The following PDZD2 variants were observed in gnomAD, a reference collection of about 807,000 sequenced individuals.
The protein encoded by PDZD2 is PDZ domain-containing protein 2.
PDZD2 carries 90 observed loss-of-function variants against 220.7 expected under a neutral mutation model. That is an observed-to-expected ratio of 0.41 (90% CI 0.34 to 0.49). The LOEUF (loss-of-function observed/expected upper bound fraction) is 0.49, where lower values mean the gene tolerates loss of function less well. PDZD2 is among the 20% of genes least tolerant of loss of function. PDZD2 has a pLI of 0.28. For synonymous variants in PDZD2, 1,375 were observed against 1,450.5 expected (o/e 0.95, Z 1.18); for missense variants, 3,174 against 3,608.5 (o/e 0.88, Z 3.08).
At chr5:32,025,885 CCAA>C (rs1460158600) in intron 6 of PDZD2, among the ~76,000 whole-genome samples, 1 of 152,038 alleles carries the variant, frequency 6.6e-6, no homozygotes, top group African/African-American at 2.4e-5. Context: ...CAGGCGTGAG[CCAA>C]CAAGCCCAGG....
intron 2 of PDZD2, chr5:31,854,885 T>G: frequency 6.7e-6 from 5 of 748,212 alleles, no homozygotes; most frequent in Non-Finnish European, 6.5e-6. Flanking sequence ...AGGCTTTTCC[T>G]AACCTCCTCC....
At chr5:31,643,378 C>T (rs957475129) in intron 1 of PDZD2, among the ~76,000 whole-genome samples, 7 of 152,150 alleles carry the variant, frequency 4.6e-5, no homozygotes, top group African/African-American at 7.2e-5. Flanking sequence ...TGCAGTGCTG[C>T]GTCTAAATTT....
intron 1 of PDZD2, among the ~76,000 whole-genome samples, chr5:31,720,159 C>T (rs1036138762): frequency 7.2e-5 from 11 of 152,232 alleles, no homozygotes; most frequent in African/African-American, 2.7e-4. Context: ...ATTGCTTCTC[C>T]ACCTCTCTCT....
rs1207739438 is a variant in PDZD2, at chr5:31,839,908, C to T, written c.476+40184C>T. ...TCCTGCCATCATGTGAAGAAGGACA[C>T]GTTTGCTTCCCCTTCTGCCATGATT... On this transcript the variant is annotated intron_variant, in intron 2 of 24. Transcript: ENST00000438447. Among the ~76,000 whole-genome samples the T allele has an allele frequency of 2.0e-5, 3 of 152,186 alleles. No homozygotes were observed. In the East Asian group the frequency reaches 5.8e-4, roughly 29 times the overall value.
At chr5:31,825,074 C>T (rs575725957) in intron 2 of PDZD2, among the ~76,000 whole-genome samples, 22 of 152,306 alleles carry the variant, frequency 1.4e-4, no homozygotes, top group African/African-American at 5.3e-4. Context: ...TCCCCACCTC[C>T]ACCTCCTGGC....
chr5:32,082,006 C>A (rs1409327375), intron 19 of PDZD2, among the ~76,000 whole-genome samples: 2 of 151,018 alleles, frequency 1.3e-5, no homozygotes, highest in African/African-American at 4.9e-5. Flanking sequence ...GCGTGAGCCA[C>A]CGCGCCTGGC....
At position 32,071,367 on chromosome 5, in the gene PDZD2, A is replaced by T. The variant is rs762339368; in HGVS notation, c.2534-17A>T. On this transcript the variant is annotated splice_polypyrimidine_tract_variant and intron_variant, in intron 15 of 24. Transcript: ENST00000438447. ...GCTTTATTGTTTTGACAATATGGTG[A>T]ATTTTCCCTCCAACAGGTACCCCCT... 6.3e-7 allele frequency: 1 copy of T among 1,591,764 alleles called. No homozygotes were observed. The highest frequency in any genetic ancestry group is 1.1e-5 in the South Asian group (1 of 90,604).
intron 2 of PDZD2, among the ~76,000 whole-genome samples, chr5:31,834,633 T>C (rs752393097): frequency 8.0e-5 from 12 of 149,742 alleles, no homozygotes; most frequent in Non-Finnish European, 1.5e-4. Flanking sequence ...CCACAGGTGG[T>C]AGATGACCTC....
Position 31,931,592 on chromosome 5 carries a change from G to A in PDZD2, c.477-51563G>A, listed in dbSNP as rs1307026309. 2.0e-5 allele frequency among the ~76,000 whole-genome samples: 3 copies of A among 152,140 alleles called. No homozygotes were observed. In the East Asian group the frequency reaches 5.8e-4, roughly 29 times the overall value. ...AGCTGGTGGCTCTTACTTGGTTGCT[G>A]TAGCTATGGAAGTAGATGGGATAAT... On this transcript the variant is annotated intron_variant, in intron 2 of 24. Coordinates refer to ENST00000438447, the MANE Select transcript of PDZD2 (RefSeq NM_178140.4).
rs1243805608 is a variant in PDZD2, at chr5:32,090,267, T to C, written c.6819T>C (p.Asn2273=). 6.2e-7 allele frequency: 1 copy of C among 1,614,074 alleles called. No homozygotes were observed. The highest frequency in any genetic ancestry group is 8.5e-7 in the Non-Finnish European group (1 of 1,180,044). ...GAGGTGGTCTTCCCAGCCTGGCTAA[T>C]GGACAGGGCATATATAGTGTAAAGC... ...ASRGGLPSLA[N]GQGIYSVKPL... is the part of the protein sequence containing the mutation. The change falls in exon 20 of 25, where the codon AAT becomes AAC. Residue 2273 remains asparagine, a synonymous_variant. Coordinates refer to ENST00000438447, the MANE Select transcript of PDZD2 (RefSeq NM_178140.4). This position sits in a 1 kb window ranked among gnomAD's most constrained non-coding sequence, Gnocchi z 4.3.
intron 6 of PDZD2, among the ~76,000 whole-genome samples, chr5:32,025,079 C>T (rs1317943590): frequency 6.6e-6 from 1 of 152,140 alleles, no homozygotes; most frequent in Non-Finnish European, 1.5e-5. Flanking sequence ...TAAAGAAGCG[C>T]CTGCCCTTAG....
chr5:31,683,785 C>T (rs1006876455), intron 1 of PDZD2, among the ~76,000 whole-genome samples: 1 of 152,168 alleles, frequency 6.6e-6, no homozygotes, highest in Non-Finnish European at 1.5e-5. Context: ...CTTGTACCTA[C>T]ATCCCAGGAA....
In PDZD2 at chr5:31,688,516, C is replaced by T. The variant is rs116834655; in HGVS notation, c.-361+49079C>T. On this transcript the variant is annotated intron_variant, in intron 1 of 24. Coordinates refer to ENST00000438447, the MANE Select transcript of PDZD2 (RefSeq NM_178140.4). ...CTTTCCCCCTCTGTGGCAAAACCCA[C>T]GGGGTCAGGTGCTGAGCTTCCAACC... Among the ~76,000 whole-genome samples the T allele has an allele frequency of 3.1e-3, 475 of 152,288 alleles. 3 individuals carry two copies. The highest frequency in any genetic ancestry group is 0.011 in the African/African-American group (451 of 41,572).
intron 1 of PDZD2, among the ~76,000 whole-genome samples, chr5:31,717,133 A>G (rs1407223335): frequency 6.6e-6 from 1 of 152,184 alleles, no homozygotes; most frequent in African/African-American, 2.4e-5. Flanking sequence ...AAAAGAGTCA[A>G]TAGATCATCC....
chr5:31,767,553 C>G (rs1242862416), intron 1 of PDZD2, among the ~76,000 whole-genome samples: 1 of 152,232 alleles, frequency 6.6e-6, no homozygotes, highest in Non-Finnish European at 1.5e-5. Context: ...TGTTTCAAAC[C>G]AGATGACTCA....
intron 1 of PDZD2, among the ~76,000 whole-genome samples, chr5:31,756,091 C>T (rs1051649824): frequency 9.9e-5 from 15 of 152,010 alleles, no homozygotes; most frequent in Non-Finnish European, 2.9e-5. Context: ...ATGGGACACC[C>T]GAAAGGTCAG....
At chr5:31,773,909 A>C (rs997278515) in intron 1 of PDZD2, among the ~76,000 whole-genome samples, 1 of 152,078 alleles carries the variant, frequency 6.6e-6, no homozygotes, top group Non-Finnish European at 1.5e-5. Flanking sequence ...GTTGAGAGTG[A>C]TCTACCCGCT....
chr5:31,802,500 A>C (rs1754449797), intron 2 of PDZD2, among the ~76,000 whole-genome samples: 1 of 152,216 alleles, frequency 6.6e-6, no homozygotes, highest in African/African-American at 2.4e-5. Context: ...CAAATAGCTG[A>C]AGCTGAGGAG....
chr5:31,712,233 G>A (rs1748155121), intron 1 of PDZD2: 1 of 152,284 alleles, frequency 6.6e-6, no homozygotes, highest in South Asian at 2.1e-4. Context: ...CTCAGCGGCT[G>A]AAGAGAACAG....
Sources: gnomAD v4.1 joint callset for allele counts (sites outside exome capture counted in the v4.1 genomes callset) on GRCh38, gnomAD v4.1.1 for gene constraint, Gnocchi (gnomAD v3.1) non-coding constraint, MANE v1.5 for transcripts, NCBI Gene and HGNC (gene_info 2026-07-23, HGNC 2026-07-21) for gene names.